Variants in TMEM150C observed in about 807,000 individuals in gnomAD.
The protein encoded by TMEM150C is transmembrane protein 150C.
TMEM150C carries 10 observed loss-of-function variants against 29.9 expected under a neutral mutation model. That is an observed-to-expected ratio of 0.33 (90% CI 0.21 to 0.57). TMEM150C has a LOEUF of 0.57. Ranked by LOEUF, TMEM150C falls within the 20% of genes least tolerant of loss-of-function variation. The pLI is 0.88. For synonymous variants in TMEM150C, 101 were observed against 112.5 expected, an observed-to-expected ratio of 0.90 and a Z score of 0.64; for missense variants, 251 against 303.6, an observed-to-expected ratio of 0.83 and a Z score of 1.29.
In TMEM150C at chr4:82,496,070, G is replaced by T; in HGVS notation, c.361C>A (p.Gln121Lys). ...GTGAAAAAGGCCAAATCAAGTACCT[G>T]AAAATTACCAAGTAAGGTCATTCCG... ...SFGMTLLGNF[Q>K]LTNDEEIHNV... Residue 121 changes from glutamine (Q) to lysine (K), a missense_variant and splice_region_variant, in exon 6 of 8, where the codon CAG becomes AAG. Physicochemically the swap from Gln to Lys is moderately conservative, Grantham distance 53. Transcript: ENST00000449862. The T allele has an allele frequency of 6.2e-7, 1 of 1,613,928 alleles. No individual in the cohort carries two copies. Among genetic ancestry groups the T allele is most frequent in the South Asian group, 1.1e-5 (1 of 91,080 alleles).
chr4:82,496,885 G>T (rs2110066216), intron 5 of TMEM150C, among the ~76,000 whole-genome samples: 1 of 152,212 alleles, frequency 6.6e-6, no homozygotes, highest in East Asian at 1.9e-4. Context: ...CCAAATTAGA[G>T]AAGTGACAAT....
chr4:82,530,930 A>C (rs1364582368), intron 1 of TMEM150C, among the ~76,000 whole-genome samples: 1 of 152,156 alleles, frequency 6.6e-6, no homozygotes, highest in East Asian at 1.9e-4. Flanking sequence ...ACCAGATCTC[A>C]TGATAACTCT....
At chr4:82,561,688 G>C (rs1161338972) in intron 1 of TMEM150C, among the ~76,000 whole-genome samples, 1 of 147,412 alleles carries the variant, frequency 6.8e-6, no homozygotes, top group Non-Finnish European at 1.5e-5. Context: ...CGGGGAGCGT[G>C]CGCCCGCGGA....
chr4:82,491,385 T>C lies in TMEM150C; in HGVS notation c.364-1147A>G, dbSNP rs1723341523. 3 of 641,178 alleles carry C rather than the reference T, an allele frequency of 4.7e-6. No individual in the cohort carries two copies. The South Asian group carries it at 5.3e-5, about 11-fold the overall frequency. 39.7% of individuals were successfully genotyped at this position (641,178 alleles called of 1,614,324 possible). A position where few individuals can be genotyped will look rare whatever the true frequency, so the allele number is the denominator to read the frequency against. ...TCCAGGGCCTGGGTGAACTGGTTAA[T>C]TGCAGAAAGCACTTACAGAGGTTAA... is the stretch of plus-strand genomic sequence containing the variant. On this transcript the variant is annotated intron_variant, in intron 6 of 7. Coordinates refer to ENST00000449862, the MANE Select transcript of TMEM150C (RefSeq NM_001080506.3).
intron 1 of TMEM150C, among the ~76,000 whole-genome samples, chr4:82,517,385 T>C (rs1397697642): frequency 6.6e-6 from 1 of 152,182 alleles, no homozygotes; most frequent in Non-Finnish European, 1.5e-5. Flanking sequence ...GGTAAAACAT[T>C]ATTCCTGAGT....
rs1723699106 is a variant in TMEM150C, at chr4:82,500,359, G to A, written c.235+2368C>T. Among the ~76,000 whole-genome samples, 4 of 152,206 alleles carry A rather than the reference G, an allele frequency of 2.6e-5. No individual in the cohort carries two copies. The South Asian group carries it at 8.3e-4, about 31-fold the overall frequency. The stretch of plus-strand genomic sequence containing the variant: ...CTAACAAGGGCAGGCCTGGGGAGAT[G>A]AAGGTATCCACAGTTTAGAGGAGGA... On this transcript the variant is annotated intron_variant, in intron 5 of 7. Transcript: ENST00000449862.
At chr4:82,532,119 T>A (rs921479738) in intron 1 of TMEM150C, among the ~76,000 whole-genome samples, 1 of 152,192 alleles carries the variant, frequency 6.6e-6, no homozygotes, top group Non-Finnish European at 1.5e-5. Flanking sequence ...AAACAGCACA[T>A]TAGTACTGAG....
rs1723553519 is a variant in TMEM150C, at chr4:82,496,209, A to G, written c.236-14T>C. 2 of 1,611,846 alleles carry G rather than the reference A, an allele frequency of 1.2e-6. No homozygotes were observed. Among genetic ancestry groups the G allele is most frequent in the Non-Finnish European group, 1.7e-6 (2 of 1,178,566 alleles). ...CTACCACAAGGGCTAGGAATAAAGC[A>G]AAGTCTTAAAATGGAAGAAATTAAA... On this transcript the variant is annotated splice_polypyrimidine_tract_variant and intron_variant, in intron 5 of 7. Coordinates refer to ENST00000449862, the MANE Select transcript of TMEM150C (RefSeq NM_001080506.3).
intron 6 of TMEM150C, chr4:82,490,760 T>G: frequency 2.6e-6 from 1 of 382,614 alleles, no homozygotes; most frequent in African/African-American, 2.1e-5. Flanking sequence ...ATTTGTTTGT[T>G]TTGAAGGAAA....
intron 1 of TMEM150C, among the ~76,000 whole-genome samples, chr4:82,526,273 A>G (rs1343872757): frequency 6.6e-6 from 1 of 152,228 alleles, no homozygotes; most frequent in African/African-American, 2.4e-5. Context: ...GATAAGGACA[A>G]CTATATTTGA....
chr4:82,487,839 T>C (rs1723211715), intron 7 of TMEM150C, among the ~76,000 whole-genome samples: 1 of 152,234 alleles, frequency 6.6e-6, no homozygotes, highest in South Asian at 2.1e-4. Flanking sequence ...TCTTAGGGTC[T>C]GCTTCTATTC....
chr4:82,548,076 A>C (rs1725443900), intron 1 of TMEM150C, among the ~76,000 whole-genome samples: 1 of 152,238 alleles, frequency 6.6e-6, no homozygotes, highest in African/African-American at 2.4e-5. Flanking sequence ...GCTAGAGGCC[A>C]TTATCCTCAG....
intron 1 of TMEM150C, among the ~76,000 whole-genome samples, chr4:82,540,282 T>C (rs1206478635): frequency 6.6e-6 from 1 of 151,600 alleles, no homozygotes; most frequent in East Asian, 1.9e-4. Context: ...GGCTAATTTA[T>C]TGATGTTTTT....
chr4:82,555,719 C>T (rs772730079), intron 1 of TMEM150C, among the ~76,000 whole-genome samples: 1 of 152,178 alleles, frequency 6.6e-6, no homozygotes, highest in Non-Finnish European at 1.5e-5. Context: ...CACCAGATTG[C>T]GTGGGTTCCT....
rs185191841 is a variant in TMEM150C, at chr4:82,505,219, A to T, written c.-10-552T>A. ...GAATTAATAGAAATTTTATTTTTAA[A>T]TTTTTTTTGTAGAGATGGGGTCTAG... On this transcript the variant is annotated intron_variant, in intron 1 of 7. Transcript: ENST00000449862. 7.0e-3 allele frequency among the ~76,000 whole-genome samples: 1,066 copies of T among 151,988 alleles called. 15 individuals carry two copies. Among genetic ancestry groups the T allele is most frequent in the African/African-American group, 0.024 (991 of 41,434 alleles).
intron 1 of TMEM150C, among the ~76,000 whole-genome samples, chr4:82,544,291 T>C (rs1725286385): frequency 6.6e-6 from 1 of 152,192 alleles, no homozygotes; most frequent in South Asian, 2.1e-4. Flanking sequence ...AGGCCTCCTT[T>C]GCTGTTAAAG....
chr4:82,483,338 A>G lies in TMEM150C; in HGVS notation c.*2173T>C, dbSNP rs1420378670. ...ATTGTGTAGAATAAAAGAAAACTAC[A>G]TAAGTCTTTGTTCTTTGATAAAAAT... On this transcript the variant is annotated 3_prime_UTR_variant, in exon 8 of 8. Transcript: ENST00000449862. The G allele has an allele frequency of 6.6e-6, 1 of 152,260 alleles. No individual in the cohort carries two copies. The highest frequency in any genetic ancestry group is 1.5e-5 in the Non-Finnish European group (1 of 68,046). 9.4% of individuals were successfully genotyped at this position (152,260 alleles called of 1,614,324 possible).
At chr4:82,517,002 C>G (rs533331982) in intron 1 of TMEM150C, among the ~76,000 whole-genome samples, 1 of 152,184 alleles carries the variant, frequency 6.6e-6, no homozygotes, top group Non-Finnish European at 1.5e-5. Context: ...GACCACTACA[C>G]GACCAGAATG....
chr4:82,495,498 C>T (rs1245793059), intron 6 of TMEM150C: 4 of 377,150 alleles, frequency 1.1e-5, no homozygotes, highest in African/African-American at 6.5e-5. Flanking sequence ...GACGAGGCAC[C>T]CTAGTATCAG....
Sources: gnomAD v4.1 joint callset for allele counts (sites outside exome capture counted in the v4.1 genomes callset) on GRCh38, gnomAD v4.1.1 for gene constraint, MANE v1.5 for transcripts, NCBI Gene and HGNC (gene_info 2026-07-23, HGNC 2026-07-21) for gene names.